Variants in DST observed in about 807,000 individuals in gnomAD.
The protein encoded by DST is dystonin.
A neutral mutation model predicts 875.2 loss-of-function variants in DST; 253 were observed. The observed-to-expected ratio is 0.29, with a 90% CI of 0.26 to 0.32. The LOEUF is 0.32. Ranked by LOEUF, DST falls within the 10% of genes least tolerant of loss-of-function variation. DST has a pLI of 1.00. For synonymous variants in DST, 3,124 were observed against 3,197.1 expected (o/e 0.98, Z 0.77); for missense variants, 8,287 against 9,111.6 (o/e 0.91, Z 3.68).
Position 56,646,185 on chromosome 6 carries a change from A to T in DST, c.1555-3T>A. ...TGTAAATACTGATTATAAAGTGCCT[A>T]AAATAAAAAGGACAAGAAATTAAGG... On this transcript the variant is annotated splice_polypyrimidine_tract_variant and splice_region_variant and intron_variant, in intron 13 of 103. Coordinates refer to ENST00000680361, the MANE Select transcript of DST (RefSeq NM_001374736.1). 1 of 1,454,480 alleles carries T rather than the reference A, an allele frequency of 6.9e-7. No individual in the cohort carries two copies. The highest frequency in any genetic ancestry group is 9.3e-7 in the Non-Finnish European group (1 of 1,078,976). 90.1% of individuals were successfully genotyped at this position (1,454,480 alleles called of 1,614,324 possible).
chr6:56,611,641 G>T, intron 37 of DST, 45 bp from the exon 38 acceptor site: 1 of 1,291,838 alleles, frequency 7.7e-7, no homozygotes, highest in Non-Finnish European at 1.1e-6. Flanking sequence ...TCCAAAAGGA[G>T]TAAACAGTAT....
At chr6:56,479,562 G>A (rs2095331254) in intron 90 of DST, among the ~76,000 whole-genome samples, 1 of 152,038 alleles carries the variant, frequency 6.6e-6, no homozygotes, top group African/African-American at 2.4e-5. Context: ...AAAAAAAAAT[G>A]TGGTACATAT....
intron 79 of DST, 133 bp from the exon 80 acceptor site, chr6:56,501,368 T>A: frequency 1.7e-6 from 2 of 1,148,332 alleles, no homozygotes; most frequent in Non-Finnish European, 2.4e-6. Context: ...CTAATCATCA[T>A]ATCCTTCTAT....
At chr6:56,839,359 C>G (rs1011368428) in intron 4 of DST, among the ~76,000 whole-genome samples, 1 of 152,180 alleles carries the variant, frequency 6.6e-6, no homozygotes, top group Non-Finnish European at 1.5e-5. Context: ...TACAAACAGT[C>G]AAACATAATC....
intron 4 of DST, among the ~76,000 whole-genome samples, chr6:56,820,944 C>T (rs1337184753): frequency 6.6e-6 from 1 of 152,206 alleles, no homozygotes; most frequent in African/African-American, 2.4e-5. Flanking sequence ...CCTTTGCCTA[C>T]AATTACACCA....
chr6:56,883,747 T>A (rs2127642260), intron 3 of DST, among the ~76,000 whole-genome samples: 1 of 152,302 alleles, frequency 6.6e-6, no homozygotes, highest in Non-Finnish European at 1.5e-5. Context: ...CTATTTCAAC[T>A]ATACCCCTAT....
intron 43 of DST, 21 bp from the exon 44 acceptor site, chr6:56,601,697 G>T: frequency 1.4e-6 from 2 of 1,397,596 alleles, no homozygotes; most frequent in African/African-American, 1.4e-5. Context: ...AGTAGTACAA[G>T]CTATCAGTAG....
intron 31 of DST, among the ~76,000 whole-genome samples, chr6:56,629,750 T>C (rs1244154113): frequency 6.6e-6 from 1 of 152,212 alleles, no homozygotes; most frequent in East Asian, 1.9e-4. Flanking sequence ...TTTCATTGTC[T>C]GCTTTTAAGT....
chr6:56,554,524 GT>G (rs2097373287), intron 60 of DST, among the ~76,000 whole-genome samples: 1 of 152,232 alleles, frequency 6.6e-6, no homozygotes, highest in South Asian at 2.1e-4. Context: ...TTCTCCCACT[GT>G]AAATTGACAA....
At chr6:56,594,646 G>C (rs576783463) in intron 47 of DST, among the ~76,000 whole-genome samples, 2 of 152,290 alleles carry the variant, frequency 1.3e-5, no homozygotes, top group East Asian at 3.9e-4. Context: ...AAAAGAATCT[G>C]TAACTTTAAG....
intron 4 of DST, among the ~76,000 whole-genome samples, chr6:56,833,287 C>T (rs575313144): frequency 8.5e-5 from 13 of 152,192 alleles, no homozygotes; most frequent in Non-Finnish European, 1.9e-4. Context: ...AAAGCACTGT[C>T]TTAACTCTAA....
intron 7 of DST, among the ~76,000 whole-genome samples, 159 bp downstream of exon 7, chr6:56,703,489 T>A (rs1014294204): frequency 9.2e-5 from 14 of 152,216 alleles, no homozygotes; most frequent in African/African-American, 3.4e-4. Flanking sequence ...ATTTCCTTTA[T>A]CCAATTTTTT....
Position 56,646,117 on chromosome 6 carries a change from T to C in DST, c.1620A>G (p.Ser540=). The change falls in exon 14 of 104, where the codon TCA becomes TCG. Residue 540 remains serine, a synonymous_variant. Transcript: ENST00000680361. The part of the protein sequence containing the change: ...TEIPPKETEK[S]KIKRLYKLLE... Reference sequence around the variant, plus strand: ...ATAATTTATATAGACGTTTAATTTTTGATTTTTCTGTCTCCTTTGGTGGAA... The same window carrying C: ...ATAATTTATATAGACGTTTAATTTTCGATTTTTCTGTCTCCTTTGGTGGAA... The C allele has an allele frequency of 2.6e-6, 4 of 1,543,808 alleles. No homozygotes were observed. The South Asian group carries it at 3.6e-5, about 14-fold the overall frequency.
Position 56,603,206 on chromosome 6 carries a change from A to AT in DST, c.11155dup (p.Met3719AsnfsTer3). On this transcript the variant is annotated frameshift_variant and splice_region_variant, in exon 42 of 104. Coordinates refer to ENST00000680361, the MANE Select transcript of DST (RefSeq NM_001374736.1). LOFTEE classifies it high-confidence loss of function. ...AAAATTTTGACATTTTATGCCTACCATTTCAGAGTCGATCGCAAGCATGAT... is the reference window on the plus strand; with the variant it reads ...AAAATTTTGACATTTTATGCCTACCATTTTCAGAGTCGATCGCAAGCATGAT... 1 of 1,595,132 alleles carries AT rather than the reference A, an allele frequency of 6.3e-7. No individual in the cohort carries two copies. Among genetic ancestry groups the AT allele is most frequent in the Admixed American group, 1.7e-5 (1 of 57,176 alleles).
rs4301308 is a variant in DST, at chr6:56,823,085, G to A, written c.625+28312C>T. Among the ~76,000 whole-genome samples the A allele has an allele frequency of 1.2e-3, 182 of 152,030 alleles. No homozygotes were observed. The East Asian group carries it at 0.022, about 19-fold the overall frequency. ...TGGCCTCAAGTGATCCACCTGCCTC[G>A]ACCTCCCAAAGTGCTGGGATTACAG... On this transcript the variant is annotated intron_variant, in intron 4 of 103. Transcript: ENST00000680361.
intron 61 of DST, among the ~76,000 whole-genome samples, chr6:56,537,883 A>T (rs2152526188): frequency 6.6e-6 from 1 of 152,326 alleles, no homozygotes; most frequent in African/African-American, 2.4e-5. Context: ...ATTTGCCAAT[A>T]TTTATTTGCC....
At chr6:56,775,391 C>A (rs1046153961) in intron 4 of DST, among the ~76,000 whole-genome samples, 3 of 152,110 alleles carry the variant, frequency 2.0e-5, no homozygotes, top group Non-Finnish European at 4.4e-5. Flanking sequence ...CTGTGGCCAT[C>A]CTAATTACAT....
intron 102 of DST, among the ~76,000 whole-genome samples, chr6:56,462,547 A>G (rs2094388739): frequency 6.6e-6 from 1 of 152,208 alleles, no homozygotes; most frequent in South Asian, 2.1e-4. Context: ...TGGGGCAGGT[A>G]TAAATGTAAC....
At chr6:56,856,875 T>C (rs12529897) in intron 3 of DST, among the ~76,000 whole-genome samples, 16 of 152,300 alleles carry the variant, frequency 1.1e-4, no homozygotes, top group Non-Finnish European at 2.1e-4. Flanking sequence ...CTGCACTTAT[T>C]TTTATTGTTT....
Sources: allele counts gnomAD v4.1 joint callset (sites outside exome capture counted in the v4.1 genomes callset), GRCh38; gene constraint gnomAD v4.1.1; transcripts MANE v1.5; gene names NCBI Gene and HGNC (gene_info 2026-07-23, HGNC 2026-07-21).